The following ADGB variants were observed in gnomAD, a reference collection of about 807,000 sequenced individuals.
ADGB encodes calpain-7-like protein.
ADGB carries 172 observed loss-of-function variants against 210.5 expected under a neutral mutation model. The ratio of observed to expected loss-of-function variants is 0.82; its 90% confidence interval spans 0.72 to 0.93. The LOEUF is 0.93. Among genes scored for constraint, ADGB ranks in the 40% least tolerant of loss-of-function variants. The pLI is 0.00. For synonymous variants in ADGB, 658 were observed against 662.7 expected, an observed-to-expected ratio of 0.99 and a Z score of 0.11; for missense variants, 2,025 against 1,964.8, an observed-to-expected ratio of 1.03 and a Z score of -0.58.
At chr6:146,624,294 C>T (rs1780941139) in intron 1 of ADGB, among the ~76,000 whole-genome samples, 1 of 151,686 alleles carries the variant, frequency 6.6e-6, no homozygotes. Flanking sequence ...TTTATTTCTT[C>T]TTTAGTGAAT....
rs570095786 is a variant in ADGB, at chr6:146,750,926, A to C, written c.3366-1604A>C. On this transcript the variant is annotated intron_variant, in intron 26 of 35. Coordinates refer to ENST00000397944, the MANE Select transcript of ADGB (RefSeq NM_024694.4). ...TGACGTGGCAGTAGTTTGCAGATCT[A>C]TTAAGAGGTTTGGTGGCTTTTAGGG... Among the ~76,000 whole-genome samples, 170 of 152,228 alleles carry C rather than the reference A, an allele frequency of 1.1e-3. 1 individual carries two copies. Among genetic ancestry groups the C allele is most frequent in the African/African-American group, 3.9e-3 (164 of 41,566 alleles).
Position 146,785,605 on chromosome 6 carries a change from T to G in ADGB, c.4213-5T>G, listed in dbSNP as rs1168062032. 3 of 1,549,006 alleles carry G rather than the reference T, an allele frequency of 1.9e-6. No individual in the cohort carries two copies. In the South Asian group the frequency reaches 3.6e-5, roughly 18 times the overall value. Reference sequence around the variant, plus strand: ...TTTAAAAAGCTGCTCATGTTTGTTTTTTAGGCTTCTCAGGCTCGTTTGCAT... The same window carrying G: ...TTTAAAAAGCTGCTCATGTTTGTTTGTTAGGCTTCTCAGGCTCGTTTGCAT... On this transcript the variant is annotated splice_region_variant and splice_polypyrimidine_tract_variant and intron_variant, in intron 31 of 35. Transcript: ENST00000397944.
chr6:146,808,169 T>G (rs1331320632), intron 35 of ADGB, among the ~76,000 whole-genome samples: 3 of 151,996 alleles, frequency 2.0e-5, no homozygotes, highest in Non-Finnish European at 4.4e-5. Context: ...CCTGCTAACT[T>G]TTGTATTTTT....
intron 2 of ADGB, among the ~76,000 whole-genome samples, chr6:146,643,593 G>C (rs1441964497): frequency 3.3e-5 from 5 of 151,652 alleles, no homozygotes. Flanking sequence ...TACGCATTTG[G>C]ATATTATTCT....
intron 13 of ADGB, among the ~76,000 whole-genome samples, chr6:146,704,317 T>C (rs1232567173): frequency 3.9e-5 from 6 of 151,964 alleles, no homozygotes; most frequent in Non-Finnish European, 1.5e-5. Flanking sequence ...TTTGATGTAA[T>C]TCCTTCTGTC....
intron 1 of ADGB, among the ~76,000 whole-genome samples, chr6:146,610,011 T>G (rs1324951839): frequency 6.6e-6 from 1 of 152,188 alleles, no homozygotes; most frequent in African/African-American, 2.4e-5. Context: ...GTGTAGTATC[T>G]CTCAGGGGTT....
intron 20 of ADGB, among the ~76,000 whole-genome samples, chr6:146,730,910 G>T (rs924623647): frequency 6.6e-6 from 1 of 152,128 alleles, no homozygotes; most frequent in Admixed American, 6.5e-5. Flanking sequence ...TTGCACTCCA[G>T]CCTGGGCAAC....
chr6:146,691,059 A>T, intron 10 of ADGB, 57 bp from the exon 11 acceptor site: 1 of 1,410,372 alleles, frequency 7.1e-7, no homozygotes, highest in Non-Finnish European at 9.4e-7. Flanking sequence ...TTTACATTGG[A>T]AAAAGCATTG....
At chr6:146,739,256 G>T (rs1359381915) in intron 23 of ADGB, among the ~76,000 whole-genome samples, 1 of 152,110 alleles carries the variant, frequency 6.6e-6, no homozygotes, top group African/African-American at 2.4e-5. Context: ...ATTTACAGGG[G>T]TGTCATGCAT....
At chr6:146,659,380 T>G (rs1280488348) in intron 5 of ADGB, among the ~76,000 whole-genome samples, 2 of 152,178 alleles carry the variant, frequency 1.3e-5, no homozygotes, top group Non-Finnish European at 2.9e-5. Context: ...ATGATGAGTC[T>G]TCTTCTCACT....
chr6:146,648,769 C>A (rs1775657441), intron 3 of ADGB, among the ~76,000 whole-genome samples: 1 of 151,438 alleles, frequency 6.6e-6, no homozygotes, highest in African/African-American at 2.4e-5. Context: ...TTTTAAATAA[C>A]CCCTAAATTA....
chr6:146,736,138 T>C (rs1314627550), intron 22 of ADGB, among the ~76,000 whole-genome samples: 1 of 152,218 alleles, frequency 6.6e-6, no homozygotes, highest in Non-Finnish European at 1.5e-5. Context: ...TAGCCATTTT[T>C]CTTTACAAAA....
chr6:146,685,052 TA>T (rs1360818625), intron 9 of ADGB, among the ~76,000 whole-genome samples: 2 of 151,976 alleles, frequency 1.3e-5, no homozygotes, highest in South Asian at 2.1e-4. Context: ...TGTACGTTTG[TA>T]AAAAAATTTA....
chr6:146,746,837 A>G (rs1777246521), intron 26 of ADGB, among the ~76,000 whole-genome samples: 2 of 152,212 alleles, frequency 1.3e-5, no homozygotes, highest in South Asian at 4.1e-4. Flanking sequence ...TCCTGATGGA[A>G]CTAACAACCA....
At chr6:146,729,221 A>G (rs1371332962) in intron 20 of ADGB, among the ~76,000 whole-genome samples, 1 of 152,226 alleles carries the variant, frequency 6.6e-6, no homozygotes, top group African/African-American at 2.4e-5. Flanking sequence ...CAAGGCACAT[A>G]TGGACCTGTC....
chr6:146,685,539 T>G (rs756868560), intron 9 of ADGB, among the ~76,000 whole-genome samples, 195 bp from the exon 10 acceptor site: 4 of 152,012 alleles, frequency 2.6e-5, no homozygotes, highest in African/African-American at 4.8e-5. Flanking sequence ...AACGTGAACT[T>G]AAAATGAATG....
chr6:146,746,702 C>T (rs1777244141), intron 26 of ADGB, among the ~76,000 whole-genome samples: 3 of 152,150 alleles, frequency 2.0e-5, no homozygotes, highest in African/African-American at 7.2e-5. Context: ...TTCAACCACA[C>T]ATATTTAAAT....
chr6:146,645,007 A>C (rs1775586964), intron 3 of ADGB, 142 bp downstream of exon 3: 1 of 459,440 alleles, frequency 2.2e-6, no homozygotes, highest in Non-Finnish European at 3.9e-6. Context: ...TTTGGCAACT[A>C]ATCAAAACTA....
intron 33 of ADGB, among the ~76,000 whole-genome samples, chr6:146,792,648 A>G (rs1277654251): frequency 6.6e-6 from 1 of 151,912 alleles, no homozygotes. Context: ...ACTTTTGGCC[A>G]TCAGAGTCTT....
Sources: allele counts gnomAD v4.1 joint callset (sites outside exome capture counted in the v4.1 genomes callset), GRCh38; gene constraint gnomAD v4.1.1; transcripts MANE v1.5; gene names NCBI Gene and HGNC (gene_info 2026-07-23, HGNC 2026-07-21).